OR6J1: variants seen among roughly 807,000 people sequenced by gnomAD.
The protein encoded by OR6J1 is olfactory receptor 6J1.
For synonymous variants in OR6J1, 109 were observed against 70.0 expected, an observed-to-expected ratio of 1.56 and a Z score of -2.78; for missense variants, 304 against 166.8, an observed-to-expected ratio of 1.82 and a Z score of -4.53.
At chr14:22,636,634 TCC>T (rs1221043572) in intron 1 of OR6J1, among the ~76,000 whole-genome samples, 1 of 115,950 alleles carries the variant, frequency 8.6e-6, no homozygotes, top group Non-Finnish European at 1.7e-5. Context: ...CGGGCTGGTC[TCC>T]AGCTCCTAGC....
At chr14:22,643,009 C>G (rs1329472373) in intron 1 of OR6J1, among the ~76,000 whole-genome samples, 2 of 151,504 alleles carry the variant, frequency 1.3e-5, no homozygotes, top group African/African-American at 4.9e-5. Flanking sequence ...CTCTTGTCAC[C>G]CAGGCTGGAG....
chr14:22,639,220 C>T lies in OR6J1; in HGVS notation c.-27-4382G>A, dbSNP rs566183051. On this transcript the variant is annotated intron_variant, in intron 1 of 1. Transcript: ENST00000540461. ...GTCTCCGCCCGGCAGCCACCCCGTC[C>T]GGGAGGGAGGTGGTGGGGGGTCAGC... Among the ~76,000 whole-genome samples the T allele has an allele frequency of 1.6e-4, 19 of 120,782 alleles. No homozygotes were observed. In the South Asian group the frequency reaches 4.0e-3, roughly 25 times the overall value. 79.2% of individuals were successfully genotyped at this position (120,782 alleles called of 152,430 possible). A position where few individuals can be genotyped will look rare whatever the true frequency, so the allele number is the denominator to read the frequency against.
intron 1 of OR6J1, among the ~76,000 whole-genome samples, chr14:22,636,583 G>T (rs1337232156): frequency 2.7e-5 from 3 of 112,514 alleles, no homozygotes; most frequent in Non-Finnish European, 5.1e-5. Context: ...ACTGGTTTTC[G>T]TTTTTTTTTT....
At chr14:22,643,756 C>CAGAGAGAGAG (rs1193688098) in intron 1 of OR6J1, among the ~76,000 whole-genome samples, 43 of 73,076 alleles carry the variant, frequency 5.9e-4, no homozygotes, top group South Asian at 1.0e-3. Context: ...CACACACACA[C>CAGAGAGAGAG]ACACACACAG....
chr14:22,637,740 TCAGCCCCCCGCCTGGC>T (rs1444126118), intron 1 of OR6J1, among the ~76,000 whole-genome samples: 1 of 65,252 alleles, frequency 1.5e-5, no homozygotes, highest in Non-Finnish European at 2.8e-5. Context: ...GGTGGGGGGA[TCAGCCCCCCGCCTGGC>T]CAGCCGCCCC....
rs1202220398 is a variant in OR6J1, at chr14:22,632,962, C to T, written c.*806G>A. The T allele has an allele frequency of 6.6e-6, 1 of 152,216 alleles. No individual in the cohort carries two copies. The highest frequency in any genetic ancestry group is 2.4e-5 in the African/African-American group (1 of 41,454). 9.4% of individuals were successfully genotyped at this position (152,216 alleles called of 1,614,324 possible). ...CTGGCACCCAAAGTGGCCACTCCAG[C>T]CACCAAGCCTATTTCTGCTTCCAGG... On this transcript the variant is annotated 3_prime_UTR_variant, in exon 2 of 2. Coordinates refer to ENST00000540461, the MANE Select transcript of OR6J1 (RefSeq NM_001348233.2).
intron 1 of OR6J1, among the ~76,000 whole-genome samples, chr14:22,638,746 A>G (rs971707760): frequency 2.0e-5 from 3 of 152,240 alleles, no homozygotes; most frequent in Admixed American, 1.3e-4. Flanking sequence ...AAATATGACA[A>G]TAACAAGTGT....
intron 1 of OR6J1, among the ~76,000 whole-genome samples, chr14:22,636,770 C>G (rs2037590085): frequency 8.5e-6 from 1 of 117,240 alleles, no homozygotes; most frequent in Non-Finnish European, 1.7e-5. Flanking sequence ...GCTACAGCCT[C>G]CACCTCCCAG....
intron 1 of OR6J1, among the ~76,000 whole-genome samples, chr14:22,636,554 G>C (rs2037588060): frequency 8.7e-6 from 1 of 115,276 alleles, no homozygotes; most frequent in Admixed American, 7.8e-5. Flanking sequence ...GCGATTGCAG[G>C]CGCACGCCGC....
chr14:22,638,063 A>G (rs1261690710), intron 1 of OR6J1, among the ~76,000 whole-genome samples: 339 of 70,784 alleles, frequency 4.8e-3, no homozygotes, highest in African/African-American at 0.015. Context: ...CAGCCGCCCC[A>G]TCCGGGAGGT....
rs1753429 is a variant in OR6J1 at position 22,633,879 on chromosome 14, A to G, written c.933T>C (p.Phe311=). Residue 311 remains phenylalanine (F), a synonymous_variant, in exon 2 of 2, where the codon TTT becomes TTC. Transcript: ENST00000540461. ...RDVWVRVRGV[F]EKRMRAVLRS... is the part of the protein sequence containing the mutation. ...TCAGCACTGCCCTCATCCTCTTTTC[A>G]AAAACTCCTCGAACCCTGACCCACA... 142,538 of 702,622 alleles carry G rather than the reference A, an allele frequency of 0.2. 15,584 individuals carry two copies. Among genetic ancestry groups the G allele is most frequent in the African/African-American group, 0.32 (18,443 of 57,238 alleles). 43.5% of individuals were successfully genotyped at this position (702,622 alleles called of 1,614,324 possible). A position where few individuals can be genotyped will look rare whatever the true frequency, so the allele number is the denominator to read the frequency against.
intron 1 of OR6J1, among the ~76,000 whole-genome samples, chr14:22,640,286 G>A (rs1342425347): frequency 1.4e-5 from 1 of 70,870 alleles, no homozygotes; most frequent in Admixed American, 1.4e-4. Flanking sequence ...AGGAAGGAAG[G>A]AAAGGGGGAA....
At chr14:22,636,818 C>T (rs2037590378) in intron 1 of OR6J1, among the ~76,000 whole-genome samples, 1 of 117,992 alleles carries the variant, frequency 8.5e-6, no homozygotes, top group African/African-American at 4.8e-5. Context: ...GAGATTGCAG[C>T]CTCTGCCCAG....
chr14:22,633,451 T>G lies in OR6J1; in HGVS notation c.*317A>C, dbSNP rs927493672. The stretch of plus-strand genomic sequence containing the variant: ...CAGGAAGGACTTCGTGTCAAGCCGA[T>G]AGAACAGTTGTGTTCGGGATCCATA... On this transcript the variant is annotated 3_prime_UTR_variant, in exon 2 of 2. Coordinates refer to ENST00000540461, the MANE Select transcript of OR6J1 (RefSeq NM_001348233.2). 1 of 266,732 alleles carries G rather than the reference T, an allele frequency of 3.7e-6. No individual in the cohort carries two copies. The highest frequency in any genetic ancestry group is 2.2e-5 in the African/African-American group (1 of 45,272). 16.5% of individuals were successfully genotyped at this position (266,732 alleles called of 1,614,324 possible).
rs1321978037 is a variant in OR6J1 at position 22,632,664 on chromosome 14, T to A, written c.*1104A>T. 6.6e-6 allele frequency: 1 copy of A among 152,254 alleles called. No individual in the cohort carries two copies. The highest frequency in any genetic ancestry group is 2.4e-5 in the African/African-American group (1 of 41,456). The allele number at this position is 152,254 out of a possible 1,614,324, so 9.4% of individuals were successfully genotyped here. ...ATAATGAACTTTGTAGTCAAGCTGC[T>A]TTTTGGTCACAAGAATCTAAGACCT... On this transcript the variant is annotated 3_prime_UTR_variant, in exon 2 of 2. Coordinates refer to ENST00000540461, the MANE Select transcript of OR6J1 (RefSeq NM_001348233.2).
In OR6J1 at chr14:22,634,812, G is replaced by C; in HGVS notation, c.-1C>G. 1.5e-6 allele frequency: 1 copy of C among 671,508 alleles called. No homozygotes were observed. The highest frequency in any genetic ancestry group is 2.7e-6 in the Non-Finnish European group (1 of 370,066). 41.6% of individuals were successfully genotyped at this position (671,508 alleles called of 1,614,324 possible). A position where few individuals can be genotyped will look rare whatever the true frequency, so the allele number is the denominator to read the frequency against. On this transcript the variant is annotated 5_prime_UTR_variant, in exon 2 of 2. Coordinates refer to ENST00000540461, the MANE Select transcript of OR6J1 (RefSeq NM_001348233.2). ...TCACCGCTGCAGTCCAGTTACCCAT[G>C]GGCCTGGTGGGCCTGGCTCAATTCT...
chr14:22,636,755 G>A (rs1356315609), intron 1 of OR6J1, among the ~76,000 whole-genome samples: 2 of 116,854 alleles, frequency 1.7e-5, no homozygotes, highest in Non-Finnish European at 3.4e-5. Context: ...GCGTGATCTC[G>A]GCTCGCTACA....
At chr14:22,639,234 T>TG (rs1417142219) in intron 1 of OR6J1, among the ~76,000 whole-genome samples, 4 of 103,324 alleles carry the variant, frequency 3.9e-5, no homozygotes, top group African/African-American at 2.5e-4. Context: ...AGGGAGGTGG[T>TG]GGGGGGTCAG....
intron 1 of OR6J1, among the ~76,000 whole-genome samples, chr14:22,640,477 G>A (rs1594903685): frequency 6.7e-6 from 1 of 148,704 alleles, no homozygotes; most frequent in African/African-American, 2.5e-5. Context: ...AACCAACAGT[G>A]AGAATGTATT....
Sources: allele counts gnomAD v4.1 joint callset (sites outside exome capture counted in the v4.1 genomes callset), GRCh38; gene constraint gnomAD v4.1.1; transcripts MANE v1.5; gene names NCBI Gene and HGNC (gene_info 2026-07-23, HGNC 2026-07-21).